Variants in GPC3 observed in about 807,000 individuals in gnomAD.
The protein encoded by GPC3 is glypican-3.
GPC3 carries 3 observed loss-of-function variants against 34.4 expected under a neutral mutation model. The observed-to-expected ratio is 0.09, with a 90% CI of 0.04 to 0.23. The LOEUF is 0.23. Among genes scored for constraint, GPC3 ranks in the 10% least tolerant of loss-of-function variants. GPC3 has a pLI of 1.00. For missense variants in GPC3, 351 were observed against 445.6 expected (o/e 0.79, Z 1.91); for synonymous variants, 177 against 174.0 (o/e 1.02, Z -0.13).
At chrX:133,766,619 G>A (rs891612317) in intron 2 of GPC3, among the ~76,000 whole-genome samples, 1 of 112,006 alleles carries the variant, frequency 8.9e-6, no homozygotes, top group Admixed American at 9.5e-5. Flanking sequence ...GAGCATGTGT[G>A]TATGTGTACT....
chrX:133,968,631 T>C (rs538587739), intron 1 of GPC3, among the ~76,000 whole-genome samples: 1 of 111,260 alleles, frequency 9.0e-6, no homozygotes, highest in African/African-American at 3.3e-5. Context: ...TAACGATTAT[T>C]AGCACCGCCC....
chrX:133,551,516 C>T (rs1172674199), intron 7 of GPC3, among the ~76,000 whole-genome samples: 3 of 111,155 alleles, frequency 2.7e-5, no homozygotes, highest in Admixed American at 9.6e-5. Flanking sequence ...CCAATTATTC[C>T]CTTCTCTTCT....
At chrX:133,709,943 T>C (rs1309067196) in intron 3 of GPC3, among the ~76,000 whole-genome samples, 2 of 112,061 alleles carry the variant, frequency 1.8e-5, no homozygotes, top group African/African-American at 6.5e-5. Context: ...TAATTAACTA[T>C]TGATTGATCT....
At chrX:133,898,155 T>C (rs2076127155) in intron 2 of GPC3, among the ~76,000 whole-genome samples, 1 of 111,676 alleles carries the variant, frequency 9.0e-6, no homozygotes, top group African/African-American at 3.3e-5. Flanking sequence ...CCTCTCTCCC[T>C]TCCCACTTTG....
chrX:133,558,942 A>AATAT (rs1245346146), intron 7 of GPC3, among the ~76,000 whole-genome samples: 2 of 109,090 alleles, frequency 1.8e-5, no homozygotes, highest in Non-Finnish European at 3.8e-5. Flanking sequence ...TAAATAAATA[A>AATAT]AAATAAATGT....
At chrX:133,551,338 C>T (rs933637067) in intron 7 of GPC3, among the ~76,000 whole-genome samples, 1 of 112,157 alleles carries the variant, frequency 8.9e-6, no homozygotes, top group Non-Finnish European at 1.9e-5. Context: ...CCCCTTTTCC[C>T]TTGCAGAGGG....
intron 2 of GPC3, among the ~76,000 whole-genome samples, chrX:133,892,519 T>C (rs928315628): frequency 9.0e-6 from 1 of 111,364 alleles, no homozygotes; most frequent in Admixed American, 9.6e-5. Flanking sequence ...ATGAAAGCCA[T>C]TCTGCATACC....
chrX:133,642,114 T>C (rs2070487255), intron 6 of GPC3, among the ~76,000 whole-genome samples: 1 of 100,437 alleles, frequency 1.0e-5, no homozygotes, highest in Admixed American at 1.1e-4. Flanking sequence ...AGGCCACATA[T>C]ACATCTCTAA....
chrX:133,782,222 C>T (rs774959153), intron 2 of GPC3, among the ~76,000 whole-genome samples: 4 of 111,835 alleles, frequency 3.6e-5, no homozygotes, highest in Non-Finnish European at 5.6e-5. Context: ...TTTGTGACTA[C>T]CCTGCAAACT....
At chrX:133,658,576 T>G (rs1251792378) in intron 6 of GPC3, among the ~76,000 whole-genome samples, 1 of 111,727 alleles carries the variant, frequency 9.0e-6, no homozygotes, top group Non-Finnish European at 1.9e-5. Flanking sequence ...GGCCAAAATA[T>G]AAATTTTATT....
intron 3 of GPC3, among the ~76,000 whole-genome samples, chrX:133,706,373 GC>G (rs1441882968): frequency 2.1e-4 from 23 of 111,994 alleles, no homozygotes; most frequent in Non-Finnish European, 3.9e-4. Context: ...AAACTAAAGA[GC>G]TTCTGCACAG....
At chrX:133,806,394 A>C (rs993890106) in intron 2 of GPC3, among the ~76,000 whole-genome samples, 2 of 111,659 alleles carry the variant, frequency 1.8e-5, no homozygotes, top group Admixed American at 1.9e-4. Flanking sequence ...GTAACAGAAC[A>C]GTGACCAAAG....
chrX:133,736,928 T>C (rs1454575598), intron 3 of GPC3, among the ~76,000 whole-genome samples: 1 of 112,048 alleles, frequency 8.9e-6, no homozygotes, highest in African/African-American at 3.2e-5. Context: ...TAAAAAGAAG[T>C]AATGAGGTAT....
chrX:133,616,978 G>A (rs753546778), intron 6 of GPC3, among the ~76,000 whole-genome samples: 2 of 111,491 alleles, frequency 1.8e-5, no homozygotes, highest in African/African-American at 3.3e-5. Context: ...GATTACAGGC[G>A]TGAGCCACCG....
intron 2 of GPC3, among the ~76,000 whole-genome samples, chrX:133,848,795 A>G (rs2075858117): frequency 9.0e-6 from 1 of 111,154 alleles, no homozygotes; most frequent in Non-Finnish European, 1.9e-5. Flanking sequence ...CACTCTCTAA[A>G]TATGTCTGGG....
intron 2 of GPC3, among the ~76,000 whole-genome samples, chrX:133,886,029 T>C (rs1410417595): frequency 8.9e-6 from 1 of 111,796 alleles, no homozygotes; most frequent in Admixed American, 9.6e-5. Flanking sequence ...CAAATTTTAT[T>C]GAGCTCTTAC....
At chrX:133,600,757 C>T (rs746562987) in intron 6 of GPC3, among the ~76,000 whole-genome samples, 11 of 111,834 alleles carry the variant, frequency 9.8e-5, no homozygotes, top group African/African-American at 3.2e-4. Context: ...TGCTTAATTA[C>T]AATTCACAAT....
intron 2 of GPC3, among the ~76,000 whole-genome samples, chrX:133,791,196 C>T (rs755756601): frequency 1.3e-4 from 15 of 111,663 alleles, no homozygotes; most frequent in South Asian, 7.7e-4. Context: ...TAAGGAGCAG[C>T]GACTCTGCTG....
intron 2 of GPC3, among the ~76,000 whole-genome samples, chrX:133,862,334 G>A (rs1034163146): frequency 3.7e-5 from 4 of 109,362 alleles, no homozygotes; most frequent in African/African-American, 1.3e-4. Flanking sequence ...CCTTTATAAG[G>A]TGCCAAGTCA....
Sources: gnomAD v4.1 joint callset for allele counts (sites outside exome capture counted in the v4.1 genomes callset) on GRCh38, gnomAD v4.1.1 for gene constraint, MANE v1.5 for transcripts, NCBI Gene and HGNC (gene_info 2026-07-23, HGNC 2026-07-21) for gene names.